The following TBC1D15 variants were observed in gnomAD, a reference collection of about 807,000 sequenced individuals.
TBC1D15 encodes TBC1 domain family member 15, also known as GAP for RAB7.
TBC1D15 carries 39 observed loss-of-function variants against 95.4 expected under a neutral mutation model. The observed-to-expected ratio is 0.41, with a 90% CI of 0.32 to 0.53. The LOEUF (loss-of-function observed/expected upper bound fraction) is 0.53, where lower values mean the gene tolerates loss of function less well. Ranked by LOEUF, TBC1D15 falls within the 20% of genes least tolerant of loss-of-function variation. The pLI, the probability that TBC1D15 is intolerant of heterozygous loss-of-function variation, is 0.29. For synonymous variants in TBC1D15, 258 were observed against 261.3 expected (o/e 0.99, Z 0.12); for missense variants, 733 against 794.3 (o/e 0.92, Z 0.93).
intron 3 of TBC1D15, among the ~76,000 whole-genome samples, chr12:71,878,159 C>T (rs1201017054): frequency 6.6e-6 from 1 of 152,180 alleles, no homozygotes; most frequent in East Asian, 1.9e-4. Context: ...AGAAAAAGGG[C>T]TGGGAGTCTT....
At chr12:71,897,983 A>C (rs773052701) in intron 10 of TBC1D15, 42 bp downstream of exon 10, 1 of 1,419,920 alleles carries the variant, frequency 7.0e-7, no homozygotes, top group Non-Finnish European at 9.9e-7. Context: ...AGGGGGGATT[A>C]CATTGAAATC....
chr12:71,922,859 A>G (rs1188721526), intron 16 of TBC1D15, 124 bp from the exon 17 acceptor site: 4 of 918,930 alleles, frequency 4.4e-6, no homozygotes, highest in East Asian at 5.3e-5. Flanking sequence ...GGTACATGAC[A>G]TTTACACTGT....
rs895169030 is a variant in TBC1D15, at chr12:71,854,473, C to T, written c.30+14662C>T. The T allele has an allele frequency of 1.3e-5, 6 of 446,338 alleles. No homozygotes were observed. In the East Asian group the frequency reaches 3.5e-4, roughly 26 times the overall value. The allele number at this position is 446,338 out of a possible 1,614,324, so 27.6% of individuals were successfully genotyped here. A position where few individuals can be genotyped will look rare whatever the true frequency, so the allele number is the denominator to read the frequency against. ...AATTTGTTCTCTTTGTTGTTATGAA[C>T]TCTTAAGATGGTTTTTTCTCCCAAG... On this transcript the variant is annotated intron_variant, in intron 1 of 16. Coordinates refer to ENST00000485960, the MANE Select transcript of TBC1D15 (RefSeq NM_001146213.3).
chr12:71,857,333 G>A (rs936285131), intron 1 of TBC1D15, among the ~76,000 whole-genome samples: 1 of 152,164 alleles, frequency 6.6e-6, no homozygotes, highest in African/African-American at 2.4e-5. Context: ...CAAATGTTAT[G>A]TGAGATGAAA....
intron 11 of TBC1D15, chr12:71,913,601 A>G (rs1270853302): frequency 7.2e-6 from 3 of 418,554 alleles, no homozygotes; most frequent in South Asian, 2.6e-5. Context: ...ACTGGAAGCT[A>G]TATATTGTTT....
At chr12:71,872,613 C>G (rs1892926718) in intron 2 of TBC1D15, among the ~76,000 whole-genome samples, 1 of 152,128 alleles carries the variant, frequency 6.6e-6, no homozygotes, top group South Asian at 2.1e-4. Flanking sequence ...ACTGCATGTG[C>G]ATTGCTTTTA....
At chr12:71,844,695 C>T (rs960167892) in intron 1 of TBC1D15, among the ~76,000 whole-genome samples, 6 of 152,182 alleles carry the variant, frequency 3.9e-5, no homozygotes, top group Non-Finnish European at 7.3e-5. Context: ...TACTTATTTA[C>T]ACCTAGTAGC....
At chr12:71,861,331 GT>G in intron 1 of TBC1D15, 2 of 678,264 alleles carry the variant, frequency 2.9e-6, no homozygotes, top group East Asian at 3.4e-5. Context: ...AAGCCATTGG[GT>G]TTTGGGCTTT....
In TBC1D15 at chr12:71,899,832, C is replaced by T. The variant is rs1195177508; in HGVS notation, c.1183+1891C>T. The stretch of plus-strand genomic sequence containing the variant: ...AGGTGAGCCCGGCCATGGTGGCTCA[C>T]ACCTGTAATCCCAGTATTTGGGAGG... On this transcript the variant is annotated intron_variant, in intron 10 of 16. Coordinates refer to ENST00000485960, the MANE Select transcript of TBC1D15 (RefSeq NM_001146213.3). 2.0e-5 allele frequency among the ~76,000 whole-genome samples: 3 copies of T among 152,066 alleles called. 1 individual carries two copies. Among genetic ancestry groups the T allele is most frequent in the African/African-American group, 7.2e-5 (3 of 41,406 alleles).
intron 2 of TBC1D15, 27 bp downstream of exon 2, chr12:71,872,195 T>C (rs1299382718): frequency 4.5e-6 from 6 of 1,339,792 alleles, no homozygotes; most frequent in Non-Finnish European, 6.2e-6. Flanking sequence ...TGATTTTATT[T>C]AATAATAGTT....
chr12:71,853,064 A>G (rs1888219172), intron 1 of TBC1D15, among the ~76,000 whole-genome samples: 1 of 152,206 alleles, frequency 6.6e-6, no homozygotes, highest in Non-Finnish European at 1.5e-5. Flanking sequence ...TTATAGAGAA[A>G]AGAGGTTTAA....
intron 3 of TBC1D15, among the ~76,000 whole-genome samples, chr12:71,874,419 T>A (rs1274051883): frequency 6.6e-6 from 1 of 152,282 alleles, no homozygotes; most frequent in East Asian, 1.9e-4. Context: ...GTATTGGTTC[T>A]ATTTGATGTA....
chr12:71,877,559 C>CCTTT (rs1409405382), intron 3 of TBC1D15, among the ~76,000 whole-genome samples: 1 of 99,196 alleles, frequency 1.0e-5, no homozygotes, highest in Non-Finnish European at 1.9e-5. Flanking sequence ...TTCCTTCCTT[C>CCTTT]CTTTCTTCTT....
chr12:71,922,107 C>T (rs1566087872), intron 16 of TBC1D15, among the ~76,000 whole-genome samples: 1 of 151,924 alleles, frequency 6.6e-6, no homozygotes, highest in Non-Finnish European at 1.5e-5. Context: ...TTTTTTGAGA[C>T]AGAGTCTTGT....
At chr12:71,849,180 A>AC in intron 1 of TBC1D15, 2 of 260,594 alleles carry the variant, frequency 7.7e-6, no homozygotes, top group East Asian at 6.7e-5. Context: ...AAAAAAAAAC[A>AC]AAAAAAAAAC....
intron 15 of TBC1D15, 27 bp from the exon 16 acceptor site, chr12:71,921,341 T>C: frequency 1.5e-6 from 2 of 1,357,194 alleles, no homozygotes; most frequent in South Asian, 1.4e-5. Flanking sequence ...AGTTTCGATA[T>C]CATTTTATTT....
At chr12:71,901,207 A>C (rs1899310888) in intron 10 of TBC1D15, among the ~76,000 whole-genome samples, 1 of 152,070 alleles carries the variant, frequency 6.6e-6, no homozygotes, top group Admixed American at 6.5e-5. Flanking sequence ...TTTTTTGTAC[A>C]AATAGGGTCT....
intron 6 of TBC1D15, chr12:71,894,403 A>T (rs763363813): frequency 1.9e-6 from 3 of 1,609,402 alleles, no homozygotes; most frequent in Non-Finnish European, 2.5e-6. Context: ...TTTCTGATGT[A>T]TGCAGATTGA....
rs77325830 is a variant in TBC1D15, at chr12:71,864,917, A to G, written c.31-7153A>G. Among the ~76,000 whole-genome samples the G allele has an allele frequency of 5.3e-4, 81 of 152,364 alleles. 2 individuals are homozygous for G. In the East Asian group the frequency reaches 0.015, roughly 29 times the overall value. ...TATTTAGCTGCTTTCAGTATCAGCA[A>G]TAATTGTGGGCACCTCAGTGGCGTA... On this transcript the variant is annotated intron_variant, in intron 1 of 16. Transcript: ENST00000485960.
Sources: allele counts gnomAD v4.1 joint callset (sites outside exome capture counted in the v4.1 genomes callset), GRCh38; gene constraint gnomAD v4.1.1; transcripts MANE v1.5; gene names NCBI Gene and HGNC (gene_info 2026-07-23, HGNC 2026-07-21).